Variants in PCDHGB7 observed in about 807,000 individuals in gnomAD.
PCDHGB7 encodes protocadherin gamma-B7.
In PCDHGB7, 37 loss-of-function variants were observed where a neutral mutation model predicts 61.4. The observed-to-expected ratio is 0.60, with a 90% CI of 0.46 to 0.79. The LOEUF is 0.79. PCDHGB7 is among the 30% of genes least tolerant of loss of function. The probability of loss-of-function intolerance (pLI) is 0.00; values close to 1 mark genes in which losing one functional copy is unlikely to be tolerated. For synonymous variants in PCDHGB7, 464 were observed against 503.5 expected (o/e 0.92, Z 1.05); for missense variants, 1,166 against 1,202.5 (o/e 0.97, Z 0.45).
intron 1 of PCDHGB7, among the ~76,000 whole-genome samples, chr5:141,466,790 A>C (rs1240777427): frequency 2.0e-5 from 3 of 152,210 alleles, no homozygotes; most frequent in Non-Finnish European, 2.9e-5. Context: ...TTAGTGCCTC[A>C]AACTAGATCC....
At chr5:141,448,654 A>G (rs966383140) in intron 1 of PCDHGB7, among the ~76,000 whole-genome samples, 1 of 152,048 alleles carries the variant, frequency 6.6e-6, no homozygotes, top group African/African-American at 2.4e-5. Context: ...AAATATTTCC[A>G]TATTGGCCGG....
At chr5:141,465,812 T>A (rs533291720) in intron 1 of PCDHGB7, among the ~76,000 whole-genome samples, 1 of 152,082 alleles carries the variant, frequency 6.6e-6, no homozygotes, top group South Asian at 2.1e-4. Flanking sequence ...TTCAGGATCT[T>A]GATCACATTT....
intron 1 of PCDHGB7, chr5:141,478,141 C>T (rs770862398): frequency 6.2e-7 from 1 of 1,614,044 alleles, no homozygotes; most frequent in Non-Finnish European, 8.5e-7. Context: ...AAGCCCGAGC[C>T]GAGTTCCCCT....
intron 1 of PCDHGB7, among the ~76,000 whole-genome samples, chr5:141,479,138 T>G (rs1469363480): frequency 6.6e-6 from 1 of 152,232 alleles, no homozygotes; most frequent in Non-Finnish European, 1.5e-5. Flanking sequence ...GCACCCTGCT[T>G]ACAAAATATT....
intron 1 of PCDHGB7, among the ~76,000 whole-genome samples, chr5:141,437,886 C>T (rs763669578): frequency 1.1e-4 from 17 of 152,140 alleles, no homozygotes; most frequent in Non-Finnish European, 1.5e-4. Context: ...TACAGGCACA[C>T]GCCACCACAC....
At position 141,486,250 on chromosome 5, in the gene PCDHGB7, C is replaced by T; in HGVS notation, c.2416-8557C>T. 1 of 1,614,140 alleles carries T rather than the reference C, an allele frequency of 6.2e-7. No homozygotes were observed. The highest frequency in any genetic ancestry group is 2.2e-5 in the East Asian group (1 of 44,872). On this transcript the variant is annotated intron_variant, in intron 1 of 3. Coordinates refer to ENST00000398594, the MANE Select transcript of PCDHGB7 (RefSeq NM_018927.4). The surrounding 1 kb of genome is among the most constrained non-coding windows in gnomAD (Gnocchi z 5.0). ...CAGTGACCTCAGAGCTTGGAACCCT[C>T]CCCGAGAGTGCAGAACCTGGCACTG...
At chr5:141,420,406 T>C (rs2096494414) in intron 1 of PCDHGB7, 132 bp downstream of exon 1, 1 of 1,241,672 alleles carries the variant, frequency 8.1e-7, no homozygotes, top group Non-Finnish European at 1.1e-6. Context: ...AATTTATGGT[T>C]ATCATTATTA....
chr5:141,471,124 A>C (rs2099250596), intron 1 of PCDHGB7, among the ~76,000 whole-genome samples: 1 of 141,916 alleles, frequency 7.0e-6, no homozygotes, highest in East Asian at 2.1e-4. Flanking sequence ...TCTTACCTTC[A>C]CTGCAACCTC....
rs1024686607 is a variant in PCDHGB7, at chr5:141,487,597, T to C, written c.2416-7210T>C. 6.2e-7 allele frequency: 1 copy of C among 1,614,178 alleles called. No homozygotes were observed. The highest frequency in any genetic ancestry group is 8.5e-7 in the Non-Finnish European group (1 of 1,180,040). ...TTCGCCCAAGCTGCCCACCCTCTGA[T>C]CTTCTCTATGGGCTAGAGGTGAGAC... On this transcript the variant is annotated intron_variant, in intron 1 of 3. Coordinates refer to ENST00000398594, the MANE Select transcript of PCDHGB7 (RefSeq NM_018927.4). The surrounding 1 kb of genome is among the most constrained non-coding windows in gnomAD (Gnocchi z 5.0).
chr5:141,510,852 G>A (rs2099883073), intron 3 of PCDHGB7, 95 bp from the exon 4 acceptor site: 2 of 1,601,096 alleles, frequency 1.2e-6, no homozygotes, highest in Non-Finnish European at 1.7e-6. Flanking sequence ...GGCCCAGGGT[G>A]CTGTATAGGC....
intron 1 of PCDHGB7, chr5:141,424,098 C>T: frequency 8.3e-6 from 7 of 846,340 alleles, no homozygotes; most frequent in Non-Finnish European, 1.0e-5. Flanking sequence ...TTTGCTATTA[C>T]TGCTAATGTT....
Position 141,490,282 on chromosome 5 carries a change from C to T in PCDHGB7, c.2416-4525C>T, listed in dbSNP as rs763429413. 1.2e-6 allele frequency: 2 copies of T among 1,614,194 alleles called. No individual in the cohort carries two copies. The highest frequency in any genetic ancestry group is 1.7e-6 in the Non-Finnish European group (2 of 1,180,036). ...TGTGGGGGATGTCAATGACAATGCC[C>T]CAGAGGTGCTATTGGCCTCTTTGGC... On this transcript the variant is annotated intron_variant, in intron 1 of 3. Transcript: ENST00000398594. This position sits in a 1 kb window ranked among gnomAD's most constrained non-coding sequence, Gnocchi z 5.4.
Position 141,487,306 on chromosome 5 carries a change from ACT to A in PCDHGB7, c.2416-7496_2416-7495del. 1 of 1,613,414 alleles carries A rather than the reference ACT, an allele frequency of 6.2e-7. No individual in the cohort carries two copies. The highest frequency in any genetic ancestry group is 8.5e-7 in the Non-Finnish European group (1 of 1,179,874). ...TCTCCTTTGGCTCATTCGTGGCACT[ACT>A]CTCTAAGTGTCTTCGTGGGGCAGCC... On this transcript the variant is annotated intron_variant, in intron 1 of 3. Coordinates refer to ENST00000398594, the MANE Select transcript of PCDHGB7 (RefSeq NM_018927.4). The surrounding 1 kb of genome is among the most constrained non-coding windows in gnomAD (Gnocchi z 5.0).
chr5:141,477,301 C>T lies in PCDHGB7; in HGVS notation c.2416-17506C>T, dbSNP rs756549446. The T allele has an allele frequency of 6.2e-7, 1 of 1,614,160 alleles. No homozygotes were observed. Among genetic ancestry groups the T allele is most frequent in the East Asian group, 2.2e-5 (1 of 44,872 alleles). Reference sequence around the variant, plus strand: ...TGACCTGCGAAGTTCCACCGGGTCTCCCTTTCAGCCTTACTTCTTCCCTCA... The same window carrying T: ...TGACCTGCGAAGTTCCACCGGGTCTTCCTTTCAGCCTTACTTCTTCCCTCA... On this transcript the variant is annotated intron_variant, in intron 1 of 3. Coordinates refer to ENST00000398594, the MANE Select transcript of PCDHGB7 (RefSeq NM_018927.4). The surrounding 1 kb of genome is among the most constrained non-coding windows in gnomAD (Gnocchi z 4.9).
At chr5:141,484,916 CCTG>C (rs34524370) in intron 1 of PCDHGB7, 64,782 of 456,708 alleles carry the variant, frequency 0.14, 4,878 homozygotes, top group African/African-American at 0.18. Context: ...ACGCATTAAC[CCTG>C]CTGCTGTTGG....
chr5:141,437,978 C>T (rs1014157103), intron 1 of PCDHGB7, among the ~76,000 whole-genome samples: 2 of 152,212 alleles, frequency 1.3e-5, no homozygotes, highest in East Asian at 1.9e-4. Context: ...TCTTGGGATG[C>T]ACCCACCCCA....
intron 1 of PCDHGB7, among the ~76,000 whole-genome samples, chr5:141,488,938 A>T (rs1195859645): frequency 6.6e-6 from 1 of 152,154 alleles, no homozygotes; most frequent in East Asian, 1.9e-4. Context: ...AGGAAACTCC[A>T]TAATTGGTTG....
chr5:141,427,435 T>G, intron 1 of PCDHGB7: 1 of 474,160 alleles, frequency 2.1e-6, no homozygotes, highest in Non-Finnish European at 4.2e-6. Context: ...ACATGCCTCA[T>G]AAACGAAAGA....
At position 141,431,353 on chromosome 5, in the gene PCDHGB7, C is replaced by T. The variant is rs1273946805; in HGVS notation, c.2415+11079C>T. 1 of 1,613,940 alleles carries T rather than the reference C, an allele frequency of 6.2e-7. No homozygotes were observed. Among genetic ancestry groups the T allele is most frequent in the Non-Finnish European group, 8.5e-7 (1 of 1,180,042 alleles). On this transcript the variant is annotated intron_variant, in intron 1 of 3. Coordinates refer to ENST00000398594, the MANE Select transcript of PCDHGB7 (RefSeq NM_018927.4). This position sits in a 1 kb window ranked among gnomAD's most constrained non-coding sequence, Gnocchi z 4.8. ...AGTACCCCGAATTGGTGCTGAAACG[C>T]GCCCTGGACCGCGAAGAAAAGGCTG...
Sources: gnomAD v4.1 joint callset for allele counts (sites outside exome capture counted in the v4.1 genomes callset) on GRCh38, gnomAD v4.1.1 for gene constraint, Gnocchi (gnomAD v3.1) non-coding constraint, MANE v1.5 for transcripts, NCBI Gene and HGNC (gene_info 2026-07-23, HGNC 2026-07-21) for gene names.